Variants in STK31 observed in about 807,000 individuals in gnomAD.
The protein encoded by STK31 is serine/threonine-protein kinase 31.
STK31 carries 89 observed loss-of-function variants against 129.7 expected under a neutral mutation model. The ratio of observed to expected loss-of-function variants is 0.69; its 90% confidence interval spans 0.58 to 0.82. The LOEUF is 0.82. STK31 is among the 40% of genes least tolerant of loss of function. The pLI, the probability that STK31 is intolerant of heterozygous loss-of-function variation, is 0.00. For missense variants in STK31, 1,187 were observed against 1,176.4 expected (o/e 1.01, Z -0.13); for synonymous variants, 448 against 395.3 (o/e 1.13, Z -1.58).
Position 23,741,036 on chromosome 7 carries a change from A to G in STK31, c.1017+3958A>G, listed in dbSNP as rs1289237055. Among the ~76,000 whole-genome samples, 3 of 152,300 alleles carry G rather than the reference A, an allele frequency of 2.0e-5. No individual in the cohort carries two copies. The East Asian group carries it at 5.8e-4, about 29-fold the overall frequency. ...TTGTTCTCCTTAAGTATTATTATGA[A>G]CTAATGAATTTTAAACATATTTGAG... On this transcript the variant is annotated intron_variant, in intron 8 of 23. Coordinates refer to ENST00000355870, the MANE Select transcript of STK31 (RefSeq NM_031414.5).
rs1794608335 is a variant in STK31, at chr7:23,832,353, A to T, written c.3047A>T (p.Asn1016Ile). 6.2e-7 allele frequency: 1 copy of T among 1,607,828 alleles called. No individual in the cohort carries two copies. The highest frequency in any genetic ancestry group is 1.7e-5 in the Admixed American group (1 of 58,850). The change falls in exon 24 of 24, where the codon AAC (asparagine) becomes ATC (isoleucine). Residue 1016 changes from asparagine (N) to isoleucine (I), a missense_variant. Asn to Ile is a moderately radical substitution (Grantham distance 149, BLOSUM62 -3). Coordinates refer to ENST00000355870, the MANE Select transcript of STK31 (RefSeq NM_031414.5). ...CMEKTRNGEA[N>I]FDC ...GAGAAGACAAGAAATGGTGAAGCCAACTTTGATTGTTAAATTATTATTGTT... is the reference window on the plus strand; with the variant it reads ...GAGAAGACAAGAAATGGTGAAGCCATCTTTGATTGTTAAATTATTATTGTT...
chr7:23,825,859 C>T (rs920179862), intron 23 of STK31, among the ~76,000 whole-genome samples: 2 of 152,104 alleles, frequency 1.3e-5, no homozygotes, highest in African/African-American at 4.8e-5. Context: ...GTTATGTGCT[C>T]AGTAGTCATT....
intron 3 of STK31, among the ~76,000 whole-genome samples, 194 bp from the exon 4 acceptor site, chr7:23,717,287 G>C (rs1158995171): frequency 6.6e-6 from 1 of 151,556 alleles, no homozygotes; most frequent in African/African-American, 2.4e-5. Context: ...ACATTGGGAA[G>C]TAAACTTTTT....
intron 15 of STK31, among the ~76,000 whole-genome samples, chr7:23,777,695 T>G (rs1357952806): frequency 6.6e-6 from 1 of 152,156 alleles, no homozygotes; most frequent in Non-Finnish European, 1.5e-5. Context: ...TGGTAAATCT[T>G]CCTCCATCCC....
intron 4 of STK31, among the ~76,000 whole-genome samples, chr7:23,726,828 T>C (rs926915077): frequency 2.0e-5 from 3 of 152,164 alleles, no homozygotes; most frequent in African/African-American, 7.2e-5. Flanking sequence ...AATTCCACTA[T>C]AGTTGAGAGT....
intron 4 of STK31, among the ~76,000 whole-genome samples, chr7:23,724,188 G>C (rs1015628223): frequency 1.3e-5 from 2 of 152,128 alleles, no homozygotes; most frequent in African/African-American, 4.8e-5. Context: ...GGAACTCAAG[G>C]CTTTATGTTG....
intron 8 of STK31, among the ~76,000 whole-genome samples, chr7:23,746,316 C>T (rs917074172): frequency 6.6e-6 from 1 of 152,148 alleles, no homozygotes; most frequent in African/African-American, 2.4e-5. Context: ...AGAATATGGG[C>T]CACTGGGGTC....
intron 22 of STK31, among the ~76,000 whole-genome samples, chr7:23,806,922 A>G (rs1474304057): frequency 1.3e-5 from 2 of 148,756 alleles, no homozygotes; most frequent in South Asian, 2.1e-4. Context: ...AAAAAAAAAA[A>G]GAGAGATACA....
intron 16 of STK31, among the ~76,000 whole-genome samples, chr7:23,782,262 C>T (rs949750395): frequency 2.6e-5 from 4 of 151,608 alleles, no homozygotes; most frequent in East Asian, 1.9e-4. Context: ...CACTTGAGCC[C>T]GGGAGTTTGA....
intron 4 of STK31, chr7:23,721,360 G>T: frequency 1.2e-6 from 1 of 820,112 alleles, no homozygotes; most frequent in Non-Finnish European, 2.1e-6. Context: ...GGAAGGGGCA[G>T]CGTTGTGATT....
At chr7:23,715,237 A>G (rs1786231881) in intron 3 of STK31, among the ~76,000 whole-genome samples, 1 of 152,010 alleles carries the variant, frequency 6.6e-6, no homozygotes, top group Admixed American at 6.6e-5. Flanking sequence ...CTTCTGCCTT[A>G]TAAACCACTT....
intron 15 of STK31, among the ~76,000 whole-genome samples, chr7:23,780,090 C>T (rs1040091616): frequency 7.2e-5 from 11 of 152,104 alleles, no homozygotes; most frequent in Non-Finnish European, 1.3e-4. Context: ...GCTAGGAGAG[C>T]GAGTTCCCCA....
chr7:23,817,874 C>G (rs556195063), intron 23 of STK31, among the ~76,000 whole-genome samples: 17 of 151,956 alleles, frequency 1.1e-4, no homozygotes, highest in Non-Finnish European at 2.2e-4. Context: ...TTTCAGTCTT[C>G]TCTCTTTTTT....
At chr7:23,778,429 G>T (rs1354495677) in intron 15 of STK31, among the ~76,000 whole-genome samples, 1 of 152,092 alleles carries the variant, frequency 6.6e-6, no homozygotes, top group Non-Finnish European at 1.5e-5. Context: ...GCTTAAGTGT[G>T]TTTTCCAACT....
intron 1 of STK31, 151 bp downstream of exon 1, chr7:23,710,486 A>G (rs1468154638): frequency 6.6e-7 from 1 of 1,508,198 alleles, no homozygotes; most frequent in East Asian, 2.4e-5. Flanking sequence ...GAGGGGTGCC[A>G]GATGCCCCAG....
chr7:23,716,712 T>C (rs1263352086), intron 3 of STK31, among the ~76,000 whole-genome samples: 1 of 152,096 alleles, frequency 6.6e-6, no homozygotes, highest in Non-Finnish European at 1.5e-5. Context: ...GTTTAAATTA[T>C]TCAGCCTTGG....
At chr7:23,726,656 A>AAT (rs1417353450) in intron 4 of STK31, among the ~76,000 whole-genome samples, 1 of 151,804 alleles carries the variant, frequency 6.6e-6, no homozygotes, top group African/African-American at 2.4e-5. Context: ...AAAGTACATA[A>AAT]ATTTTCTCTT....
intron 14 of STK31, 125 bp downstream of exon 14, chr7:23,771,249 A>G (rs966630953): frequency 4.6e-6 from 4 of 868,996 alleles, no homozygotes; most frequent in Non-Finnish European, 4.9e-6. Flanking sequence ...TTCACTGTCA[A>G]CTGGAAATGG....
chr7:23,800,216 A>G (rs1392455976), intron 22 of STK31, among the ~76,000 whole-genome samples: 1 of 152,234 alleles, frequency 6.6e-6, no homozygotes, highest in East Asian at 1.9e-4. Flanking sequence ...CATTTGACCC[A>G]GCAATCGCAT....
Sources: allele counts gnomAD v4.1 joint callset (sites outside exome capture counted in the v4.1 genomes callset), GRCh38; gene constraint gnomAD v4.1.1; transcripts MANE v1.5; gene names NCBI Gene and HGNC (gene_info 2026-07-23, HGNC 2026-07-21).